ACVR1C: variants seen among roughly 807,000 people sequenced by gnomAD.
ACVR1C encodes the protein activin A receptor type 1C.
ACVR1C carries 23 observed loss-of-function variants against 57.9 expected under a neutral mutation model. The ratio of observed to expected loss-of-function variants is 0.40; its 90% CI spans 0.29 to 0.56. The LOEUF is 0.56. Ranked by LOEUF, ACVR1C falls within the 20% of genes least tolerant of loss-of-function variation. The pLI, the probability that ACVR1C is intolerant of heterozygous loss-of-function variation, is 0.50. For missense variants in ACVR1C, 480 were observed against 607.9 expected (o/e 0.79, Z 2.21); for synonymous variants, 214 against 215.3 (o/e 0.99, Z 0.05).
At chr2:157,549,081 C>T (rs1433527254) in intron 4 of ACVR1C, among the ~76,000 whole-genome samples, 2 of 152,080 alleles carry the variant, frequency 1.3e-5, no homozygotes, top group Admixed American at 6.5e-5. Flanking sequence ...CTGGGCCAGG[C>T]GGGGTGGCTC....
chr2:157,545,678 CAAGTT>C (rs1243847116), intron 4 of ACVR1C, among the ~76,000 whole-genome samples: 1 of 152,090 alleles, frequency 6.6e-6, no homozygotes, highest in Middle Eastern at 3.2e-3. Flanking sequence ...AAGCCACTGA[CAAGTT>C]AAGAGATGAT....
intron 2 of ACVR1C, among the ~76,000 whole-genome samples, chr2:157,565,057 T>C (rs181271739): frequency 3.0e-4 from 46 of 152,246 alleles, no homozygotes; most frequent in Non-Finnish European, 6.3e-4. Flanking sequence ...CAAAGCACCA[T>C]GGCACACGTA....
intron 4 of ACVR1C, among the ~76,000 whole-genome samples, chr2:157,546,936 T>C (rs1687769512): frequency 6.6e-6 from 1 of 151,482 alleles, no homozygotes; most frequent in Admixed American, 6.6e-5. Context: ...CATCTAGCAT[T>C]AGGTATATCT....
intron 1 of ACVR1C, among the ~76,000 whole-genome samples, chr2:157,592,211 A>G (rs965697339): frequency 6.6e-6 from 1 of 152,060 alleles, no homozygotes; most frequent in Admixed American, 6.6e-5. Flanking sequence ...TTACAGCTTT[A>G]TCTAAATTCT....
intron 2 of ACVR1C, among the ~76,000 whole-genome samples, chr2:157,582,143 C>A (rs763278392): frequency 6.6e-6 from 1 of 152,110 alleles, no homozygotes; most frequent in Non-Finnish European, 1.5e-5. Context: ...CATTGTAGGA[C>A]CCCATCTCAA....
At chr2:157,548,266 A>T (rs1454610274) in intron 4 of ACVR1C, among the ~76,000 whole-genome samples, 1 of 150,640 alleles carries the variant, frequency 6.6e-6, no homozygotes, top group South Asian at 2.1e-4. Flanking sequence ...CCACTGCTCA[A>T]GGAAATCAAA....
chr2:157,612,306 C>G (rs993838875), intron 1 of ACVR1C, among the ~76,000 whole-genome samples: 2 of 152,188 alleles, frequency 1.3e-5, no homozygotes, highest in African/African-American at 4.8e-5. Flanking sequence ...GGGGCTCAGT[C>G]ACCACTCACA....
chr2:157,597,160 G>A (rs1264676195), intron 1 of ACVR1C, among the ~76,000 whole-genome samples: 5 of 152,140 alleles, frequency 3.3e-5, no homozygotes, highest in African/African-American at 9.7e-5. Flanking sequence ...AGGAAACCGC[G>A]GCAGTCCTCC....
At chr2:157,620,582 TA>T (rs112884203) in intron 1 of ACVR1C, among the ~76,000 whole-genome samples, 26 of 152,148 alleles carry the variant, frequency 1.7e-4, no homozygotes, top group East Asian at 9.6e-4. Context: ...ACGTATGCAT[TA>T]AAAAAAATTT....
Position 157,628,628 on chromosome 2 carries a change from C to A in ACVR1C, c.17G>T (p.Cys6Phe). 6.3e-7 allele frequency: 1 copy of A among 1,592,028 alleles called. No individual in the cohort carries two copies. Among genetic ancestry groups the A allele is most frequent in the Non-Finnish European group, 8.5e-7 (1 of 1,170,560 alleles). MTRAL[C>F]SALRQALLLL... ...CAGGAGAGCCTGGCGGAGCGCTGAG[C>A]AGAGCGCCCGGGTCATCGCCACCAG... is the stretch of plus-strand genomic sequence containing the variant. The change falls in exon 1 of 9, where the codon TGC (cysteine) becomes TTC (phenylalanine). Residue 6 changes from cysteine (C) to phenylalanine (F), a missense_variant. Cys to Phe is a radical substitution (Grantham distance 205, BLOSUM62 -2). Transcript: ENST00000243349.
chr2:157,594,066 G>C (rs900196523), intron 1 of ACVR1C, among the ~76,000 whole-genome samples: 2 of 152,176 alleles, frequency 1.3e-5, no homozygotes, highest in African/African-American at 4.8e-5. Context: ...CCTACCAACA[G>C]AGATTCTGTC....
chr2:157,572,206 G>A (rs1240265858), intron 2 of ACVR1C, among the ~76,000 whole-genome samples: 2 of 125,340 alleles, frequency 1.6e-5, no homozygotes, highest in South Asian at 3.0e-4. Context: ...TCACACTCTG[G>A]GGACTGTGGT....
At chr2:157,613,497 T>A (rs1682576990) in intron 1 of ACVR1C, among the ~76,000 whole-genome samples, 1 of 152,232 alleles carries the variant, frequency 6.6e-6, no homozygotes, top group Non-Finnish European at 1.5e-5. Flanking sequence ...AATCTGCAGA[T>A]GTGAAACCCA....
intron 7 of ACVR1C, among the ~76,000 whole-genome samples, chr2:157,540,525 G>A (rs570391803): frequency 5.3e-5 from 8 of 152,010 alleles, no homozygotes; most frequent in Non-Finnish European, 8.8e-5. Context: ...TCGAACTCCC[G>A]ACCTCAGTGA....
chr2:157,579,641 T>C (rs1042429725), intron 2 of ACVR1C, among the ~76,000 whole-genome samples: 8 of 152,328 alleles, frequency 5.3e-5, no homozygotes, highest in African/African-American at 1.9e-4. Flanking sequence ...TGCTCTTTCC[T>C]GTTGTCCTTA....
chr2:157,549,455 G>A (rs952053700), intron 4 of ACVR1C, among the ~76,000 whole-genome samples: 4 of 152,024 alleles, frequency 2.6e-5, no homozygotes, highest in African/African-American at 9.7e-5. Flanking sequence ...GCAACTAATG[G>A]GTAAAACTGG....
In ACVR1C at chr2:157,541,140, T is replaced by C. The variant is rs763394302; in HGVS notation, c.1175A>G (p.Tyr392Cys). 4 of 1,614,004 alleles carry C rather than the reference T, an allele frequency of 2.5e-6. No homozygotes were observed. Residue 392 changes from tyrosine (Y) to cysteine (C), a missense_variant, in exon 7 of 9, where the codon TAT becomes TGT. Physicochemically the swap from Tyr to Cys is radical, Grantham distance 194. Transcript: ENST00000243349. ...IFESFKRADIYSVGLVYWEIA... is the reference protein window; with the variant it reads ...IFESFKRADICSVGLVYWEIA... ...TTCCCAGTAAACCAGACCAACAGAA[T>C]AGATGTCAGCTCGTTTGAAGGACTC... is the stretch of plus-strand genomic sequence containing the variant.
At chr2:157,614,531 T>C (rs190689930) in intron 1 of ACVR1C, among the ~76,000 whole-genome samples, 25 of 152,330 alleles carry the variant, frequency 1.6e-4, no homozygotes, top group Non-Finnish European at 2.5e-4. Context: ...TAAAATTATT[T>C]TTTAGATTTT....
rs564153021 is a variant in ACVR1C, at chr2:157,579,116, G to A, written c.304+8071C>T. Among the ~76,000 whole-genome samples, 23 of 152,096 alleles carry A rather than the reference G, an allele frequency of 1.5e-4. No homozygotes were observed. In the South Asian group the frequency reaches 4.6e-3, roughly 30 times the overall value. On this transcript the variant is annotated intron_variant, in intron 2 of 8. Transcript: ENST00000243349. Reference sequence around the variant, plus strand: ...TTAAGCTTTGGAAGTCTTTTTATTTGTCCTATTGATATTCATTGACTTTCT... The same window carrying A: ...TTAAGCTTTGGAAGTCTTTTTATTTATCCTATTGATATTCATTGACTTTCT...
Sources: gnomAD v4.1 joint callset for allele counts (sites outside exome capture counted in the v4.1 genomes callset) on GRCh38, gnomAD v4.1.1 for gene constraint, MANE v1.5 for transcripts, NCBI Gene and HGNC (gene_info 2026-07-23, HGNC 2026-07-21) for gene names.